Variants in FOCAD observed in about 807,000 individuals in gnomAD.
FOCAD encodes focadhesin, also known as KIAA1797.
FOCAD carries 198 observed loss-of-function variants against 225.6 expected under a neutral mutation model. The observed-to-expected ratio is 0.88, with a 90% CI of 0.78 to 0.99. The LOEUF is 0.99. Ranked by LOEUF, FOCAD falls within the 50% of genes least tolerant of loss-of-function variation. The probability of loss-of-function intolerance (pLI) is 0.00; values close to 1 mark genes in which losing one functional copy is unlikely to be tolerated. For synonymous variants in FOCAD, 897 were observed against 755.0 expected (o/e 1.19, Z -3.08); for missense variants, 2,713 against 2,123.6 (o/e 1.28, Z -5.46).
At position 20,705,719 on chromosome 9, in the gene FOCAD, ATAT is replaced by A. The variant is rs370802874; in HGVS notation, c.-32-9601_-32-9599del. 1.6e-4 allele frequency among the ~76,000 whole-genome samples: 25 copies of A among 151,946 alleles called. No homozygotes were observed. In the East Asian group the frequency reaches 2.3e-3, roughly 14 times the overall value. On this transcript the variant is annotated intron_variant, in intron 1 of 43. Transcript: ENST00000338382. ...GAAGGAAAAATACTTAAAAATTATA[ATAT>A]TGGAAAAAAAAAAGTCAACTTTGAA...
intron 15 of FOCAD, among the ~76,000 whole-genome samples, chr9:20,842,419 G>A (rs1239247832): frequency 2.6e-5 from 4 of 151,900 alleles, no homozygotes; most frequent in Admixed American, 2.6e-4. Context: ...ATCTGGGTAT[G>A]CCAGTGTTGG....
intron 5 of FOCAD, among the ~76,000 whole-genome samples, chr9:20,748,343 C>G (rs554954592): frequency 6.6e-6 from 1 of 151,698 alleles, no homozygotes; most frequent in Admixed American, 6.6e-5. Context: ...AGCAGGAGTT[C>G]TAAGGAGACT....
chr9:20,892,043 A>G (rs956353387), intron 21 of FOCAD, among the ~76,000 whole-genome samples: 1 of 152,182 alleles, frequency 6.6e-6, no homozygotes, highest in Non-Finnish European at 1.5e-5. Context: ...TAGAAATGGG[A>G]CAAGGCCTGG....
intron 35 of FOCAD, among the ~76,000 whole-genome samples, chr9:20,964,543 A>ATT (rs908794552): frequency 6.7e-6 from 1 of 148,576 alleles, no homozygotes. Context: ...GAGCATCAAC[A>ATT]TTTTTTTTTT....
Position 20,986,475 on chromosome 9 carries a change from C to A in FOCAD, c.4906+10C>A, listed in dbSNP as rs573064888. The A allele has an allele frequency of 5.1e-6, 8 of 1,583,612 alleles. No homozygotes were observed. In the Admixed American group the frequency reaches 9.1e-5, roughly 18 times the overall value. ...AGCCATGCCAATACGGGTGAGGACA[C>A]CCTGGGGTGAACATCAGAAACAGGA... On this transcript the variant is annotated intron_variant, in intron 40 of 43. Transcript: ENST00000338382.
At chr9:20,911,949 C>T (rs976832125) in intron 22 of FOCAD, among the ~76,000 whole-genome samples, 1 of 152,090 alleles carries the variant, frequency 6.6e-6, no homozygotes, top group African/African-American at 2.4e-5. Flanking sequence ...CTCAATCTCA[C>T]TAGTAAACAA....
intron 22 of FOCAD, among the ~76,000 whole-genome samples, chr9:20,912,384 A>C (rs1157916478): frequency 6.6e-6 from 1 of 152,106 alleles, no homozygotes. Context: ...AAGAAATAGA[A>C]GTGTAATGTA....
chr9:20,760,769 C>A (rs573663638), intron 6 of FOCAD, among the ~76,000 whole-genome samples: 2 of 152,188 alleles, frequency 1.3e-5, no homozygotes, highest in South Asian at 4.1e-4. Flanking sequence ...TTTCATTATT[C>A]TCTGTATTAG....
chr9:20,908,266 G>C (rs1332019558), intron 22 of FOCAD, among the ~76,000 whole-genome samples: 1 of 152,032 alleles, frequency 6.6e-6, no homozygotes, highest in Non-Finnish European at 1.5e-5. Context: ...GAGGTATTGT[G>C]GTTAGAGATA....
At chr9:20,809,610 T>C (rs573973026) in intron 11 of FOCAD, among the ~76,000 whole-genome samples, 2 of 152,212 alleles carry the variant, frequency 1.3e-5, no homozygotes, top group South Asian at 2.1e-4. Flanking sequence ...TTAAAATGTT[T>C]CCTTGTTCTT....
chr9:20,986,149 A>C, intron 39 of FOCAD, 139 bp from the exon 40 acceptor site: 1 of 726,126 alleles, frequency 1.4e-6, no homozygotes. Context: ...GCACACAGGC[A>C]GATGGGTCAT....
rs577075784 is a variant in FOCAD, at chr9:20,677,128, C to G, written c.-77-17392C>G. Among the ~76,000 whole-genome samples, 9 of 152,154 alleles carry G rather than the reference C, an allele frequency of 5.9e-5. No individual in the cohort carries two copies. In the East Asian group the frequency reaches 1.7e-3, roughly 29 times the overall value. Reference sequence around the variant, plus strand: ...ATCTTAAACAATAACACACAAGGATCGACTCTTTATTAGATGGTGTTGGGA... The same window carrying G: ...ATCTTAAACAATAACACACAAGGATGGACTCTTTATTAGATGGTGTTGGGA... On this transcript the variant is annotated intron_variant, in intron 2 of 45. Coordinates refer to the FOCAD transcript ENST00000380249.
At chr9:20,766,179 A>G (rs1830037591) in intron 7 of FOCAD, among the ~76,000 whole-genome samples, 1 of 152,176 alleles carries the variant, frequency 6.6e-6, no homozygotes, top group African/African-American at 2.4e-5. Context: ...CTGTGTTGAC[A>G]GGCTTAAATG....
chr9:20,836,591 G>T (rs1277815491), intron 15 of FOCAD, among the ~76,000 whole-genome samples: 1 of 151,984 alleles, frequency 6.6e-6, no homozygotes, highest in Non-Finnish European at 1.5e-5. Context: ...TCCATGCTGA[G>T]CTTTTTATAT....
At chr9:20,662,507 G>T (rs1384393070) in intron 2 of FOCAD, among the ~76,000 whole-genome samples, 3 of 152,104 alleles carry the variant, frequency 2.0e-5, no homozygotes, top group Non-Finnish European at 4.4e-5. Context: ...TCCCAGCCAG[G>T]GTGACTGGGG....
chr9:20,939,569 A>G (rs1238628274), intron 28 of FOCAD, among the ~76,000 whole-genome samples: 1 of 152,282 alleles, frequency 6.6e-6, no homozygotes, highest in African/African-American at 2.4e-5. Flanking sequence ...ATTACCCACC[A>G]TACAGATACT....
chr9:20,987,791 A>G (rs1014734223), intron 40 of FOCAD, among the ~76,000 whole-genome samples: 2 of 152,214 alleles, frequency 1.3e-5, no homozygotes, highest in South Asian at 2.1e-4. Flanking sequence ...ACATGTCCTT[A>G]GTAGTCTTTA....
At chr9:20,869,450 T>A (rs1399672821) in intron 18 of FOCAD, among the ~76,000 whole-genome samples, 1 of 152,210 alleles carries the variant, frequency 6.6e-6, no homozygotes, top group East Asian at 1.9e-4. Flanking sequence ...ATATTTCTTG[T>A]TGATTGCTGA....
At chr9:20,770,389 G>A in intron 8 of FOCAD, 151 bp downstream of exon 8, 1 of 696,246 alleles carries the variant, frequency 1.4e-6, no homozygotes, top group East Asian at 2.8e-5. Context: ...CTTCTGGGGA[G>A]GCCTCAGGAA....
Sources: allele counts gnomAD v4.1 joint callset (sites outside exome capture counted in the v4.1 genomes callset), GRCh38; gene constraint gnomAD v4.1.1; transcripts MANE v1.5; gene names NCBI Gene and HGNC (gene_info 2026-07-23, HGNC 2026-07-21).